YAP1: variants seen among roughly 807,000 people sequenced by gnomAD.
YAP1 encodes the protein Yes1 associated transcriptional regulator, also known as transcriptional coactivator YAP1.
In YAP1, 5 loss-of-function variants were observed where a neutral mutation model predicts 56.9. The ratio of observed to expected loss-of-function variants is 0.09; its 90% CI spans 0.05 to 0.18. The LOEUF is 0.18. Among genes scored for constraint, YAP1 ranks in the 10% least tolerant of loss-of-function variants. YAP1 has a pLI of 1.00. For missense variants in YAP1, 539 were observed against 651.8 expected (o/e 0.83, Z 1.88); for synonymous variants, 265 against 248.1 (o/e 1.07, Z -0.64).
chr11:102,131,804 T>C (rs879568574), intron 2 of YAP1, among the ~76,000 whole-genome samples: 1 of 152,214 alleles, frequency 6.6e-6, no homozygotes. Context: ...GTTTGTCTTC[T>C]GGATATAAAG....
At position 102,110,815 on chromosome 11, in the gene YAP1, G is replaced by T; in HGVS notation, c.-34G>T. ...TCCGGGCGTAGCCCTCGCTCGCCTGGGTCAGGGGGTGCGCGTCGGGGGAGG... is the reference window on the plus strand; with the variant it reads ...TCCGGGCGTAGCCCTCGCTCGCCTGTGTCAGGGGGTGCGCGTCGGGGGAGG... On this transcript the variant is annotated 5_prime_UTR_variant, in exon 1 of 9. Coordinates refer to ENST00000282441, the MANE Select transcript of YAP1 (RefSeq NM_001130145.3). 1 of 1,357,946 alleles carries T rather than the reference G, an allele frequency of 7.4e-7. No homozygotes were observed. The highest frequency in any genetic ancestry group is 9.4e-7 in the Non-Finnish European group (1 of 1,058,222). 84.1% of individuals were successfully genotyped at this position (1,357,946 alleles called of 1,614,324 possible).
At chr11:102,176,784 A>T (rs900891212) in intron 3 of YAP1, among the ~76,000 whole-genome samples, 1 of 137,074 alleles carries the variant, frequency 7.3e-6, no homozygotes, top group Non-Finnish European at 1.6e-5. Context: ...AAAGAGTAGA[A>T]TTTCAGTGGG....
At chr11:102,143,676 A>T (rs898394117) in intron 2 of YAP1, among the ~76,000 whole-genome samples, 1 of 152,252 alleles carries the variant, frequency 6.6e-6, no homozygotes, top group African/African-American at 2.4e-5. Flanking sequence ...CACATAGTGT[A>T]GGCATGAAAG....
chr11:102,120,582 T>A (rs1943590053), intron 2 of YAP1, among the ~76,000 whole-genome samples: 1 of 152,238 alleles, frequency 6.6e-6, no homozygotes, highest in Non-Finnish European at 1.5e-5. Flanking sequence ...GACTATCAAG[T>A]TCTTCAGCAG....
At position 102,186,088 on chromosome 11, in the gene YAP1, C is replaced by G. The variant is rs1246673666; in HGVS notation, c.759C>G (p.Asn253Lys). 6.2e-7 allele frequency: 1 copy of G among 1,610,148 alleles called. No homozygotes were observed. The highest frequency in any genetic ancestry group is 8.5e-7 in the Non-Finnish European group (1 of 1,178,232). Residue 253 changes from asparagine to lysine, a missense_variant, in exon 4 of 9, where the codon AAC becomes AAG. Physicochemically the swap from Asn to Lys is moderately conservative, Grantham distance 94. Transcript: ENST00000282441. ...AAATTTACTATATAAACCATAAGAA[C>G]AAGACCACCTCTTGGCTAGACCCAA... ...DGEIYYINHK[N>K]KTTSWLDPRL...
chr11:102,215,632 C>T (rs12786272), intron 6 of YAP1, among the ~76,000 whole-genome samples: 45,877 of 151,940 alleles, frequency 0.3, 7,181 homozygotes, highest in East Asian at 0.36. Flanking sequence ...CACACCACCA[C>T]CCCCAGCTAA....
chr11:102,180,885 AC>A (rs766731432), intron 3 of YAP1, among the ~76,000 whole-genome samples: 2 of 151,262 alleles, frequency 1.3e-5, no homozygotes, highest in Non-Finnish European at 3.0e-5. Context: ...GGTAGCTCGC[AC>A]CTGTAATCCC....
intron 4 of YAP1, among the ~76,000 whole-genome samples, chr11:102,192,925 T>TG (rs1004539231): frequency 1.6e-4 from 24 of 152,282 alleles, no homozygotes; most frequent in South Asian, 4.1e-4. Flanking sequence ...ACAAATCTGA[T>TG]GGGGGGTGTG....
intron 3 of YAP1, among the ~76,000 whole-genome samples, chr11:102,174,340 G>A (rs868818632): frequency 1.3e-5 from 2 of 151,896 alleles, no homozygotes; most frequent in Admixed American, 6.6e-5. Context: ...GGCTGATCAC[G>A]CCACTCCCAG....
At chr11:102,149,173 A>G (rs1269856775) in intron 2 of YAP1, among the ~76,000 whole-genome samples, 52 of 152,218 alleles carry the variant, frequency 3.4e-4, no homozygotes, top group Admixed American at 3.4e-3. Context: ...CCTAAAGGCA[A>G]CAAATTGAAG....
chr11:102,190,774 A>G (rs376941369), intron 4 of YAP1, among the ~76,000 whole-genome samples: 2 of 152,102 alleles, frequency 1.3e-5, no homozygotes, highest in East Asian at 1.9e-4. Flanking sequence ...CCCGTCTACT[A>G]AAAATGCAAA....
intron 6 of YAP1, among the ~76,000 whole-genome samples, chr11:102,219,054 A>G (rs1949793992): frequency 6.6e-6 from 1 of 152,198 alleles, no homozygotes; most frequent in Non-Finnish European, 1.5e-5. Flanking sequence ...TATGACTTAC[A>G]GTTTAGTGTT....
In YAP1 at chr11:102,229,791, G is replaced by A; in HGVS notation, c.1366G>A (p.Gly456Arg). ...EAIPGTNVDL[G>R]TLEGDGMNIE... The stretch of plus-strand genomic sequence containing the variant: ...CATTCCTGGGACAAATGTGGACCTT[G>A]GAACACTGGAAGGAGATGGAATGAA... The change falls in exon 9 of 9, where the codon GGA becomes AGA. Residue 456 changes from glycine (G) to arginine (R), a missense_variant. This residue lies in a region of YAP1 where 414 missense variants were observed against 512.4 expected (regional missense o/e 0.81). Transcript: ENST00000282441. 2 of 1,614,160 alleles carry A rather than the reference G, an allele frequency of 1.2e-6. No individual in the cohort carries two copies. The highest frequency in any genetic ancestry group is 1.7e-6 in the Non-Finnish European group (2 of 1,179,998).
chr11:102,135,193 C>T (rs1387122410), intron 2 of YAP1, among the ~76,000 whole-genome samples: 1 of 152,114 alleles, frequency 6.6e-6, no homozygotes, highest in Non-Finnish European at 1.5e-5. Flanking sequence ...GATGGTGTCT[C>T]ACTATGTTGC....
chr11:102,193,524 T>C (rs1948407719), intron 4 of YAP1, among the ~76,000 whole-genome samples: 1 of 152,310 alleles, frequency 6.6e-6, no homozygotes, highest in South Asian at 2.1e-4. Context: ...GTTTATCAGT[T>C]ATGGTAAGCA....
intron 7 of YAP1, among the ~76,000 whole-genome samples, chr11:102,226,541 T>G (rs1431997983): frequency 6.6e-6 from 1 of 152,234 alleles, no homozygotes; most frequent in Admixed American, 6.5e-5. Flanking sequence ...CTTGATTTTA[T>G]GCGTTTCTCT....
intron 4 of YAP1, 34 bp from the exon 5 acceptor site, chr11:102,205,859 T>C (rs749166137): frequency 4.1e-6 from 6 of 1,473,050 alleles, no homozygotes; most frequent in East Asian, 2.4e-5. Context: ...TCACTAGTTT[T>C]TTAGGACAGA....
intron 2 of YAP1, among the ~76,000 whole-genome samples, chr11:102,134,825 C>T (rs536386484): frequency 6.6e-6 from 1 of 152,296 alleles, no homozygotes; most frequent in South Asian, 2.1e-4. Context: ...CCTCTGGCCT[C>T]AGCCTCCTGA....
At chr11:102,165,122 AC>A (rs1300487315) in intron 3 of YAP1, among the ~76,000 whole-genome samples, 1 of 151,796 alleles carries the variant, frequency 6.6e-6, no homozygotes, top group Non-Finnish European at 1.5e-5. Context: ...ACTTTGGGAG[AC>A]CAAGGTGGGA....
Sources: gnomAD v4.1 joint callset for allele counts (sites outside exome capture counted in the v4.1 genomes callset) on GRCh38, gnomAD v4.1.1 for gene constraint, gnomAD v4.1.1 regional missense constraint, MANE v1.5 for transcripts, NCBI Gene and HGNC (gene_info 2026-07-23, HGNC 2026-07-21) for gene names.